The following PLPPR2 variants were observed in gnomAD, a reference collection of about 807,000 sequenced individuals.
The protein encoded by PLPPR2 is phospholipid phosphatase-related protein type 2.
A neutral mutation model predicts 40.3 loss-of-function variants in PLPPR2; 11 were observed. The ratio of observed to expected loss-of-function variants is 0.27; its 90% CI spans 0.17 to 0.45. PLPPR2 has a LOEUF of 0.45. Among genes scored for constraint, PLPPR2 ranks in the 20% least tolerant of loss-of-function variants. The probability of loss-of-function intolerance (pLI) is 1.00; values close to 1 mark genes in which losing one functional copy is unlikely to be tolerated. For missense variants in PLPPR2, 497 were observed against 640.7 expected (o/e 0.78, Z 2.42); for synonymous variants, 260 against 290.8 (o/e 0.89, Z 1.08).
rs139624506 is a variant in PLPPR2, at chr19:11,362,578, C to T, written c.729C>T (p.Ala243=). 21 of 1,613,088 alleles carry T rather than the reference C, an allele frequency of 1.3e-5. No individual in the cohort carries two copies. In the African/African-American group the frequency reaches 2.8e-4, roughly 22 times the overall value. ...TGGTCAAACCCTCGCTCTGCCTGGC[C>T]TTGCTGTGCCCGGCCTTCCTGGTGG... ...SRLVKPSLCL[A]LLCPAFLVGV... is the part of the protein sequence containing the mutation. Residue 243 remains alanine, a synonymous_variant, in exon 7 of 10, where the codon GCC becomes GCT. Coordinates refer to ENST00000688289, the MANE Select transcript of PLPPR2 (RefSeq NM_001393892.1). This position sits in a 1 kb window ranked among gnomAD's most constrained non-coding sequence, Gnocchi z 5.3.
At chr19:11,357,099 G>C (rs1967907956) in intron 2 of PLPPR2, 123 bp downstream of exon 2, 1 of 154,264 alleles carries the variant, frequency 6.5e-6, no homozygotes, top group African/African-American at 2.4e-5. Context: ...CGGCTGGGAA[G>C]AGGGGGAAGG....
At chr19:11,357,810 TCTGTA>T in intron 3 of PLPPR2, 71 bp downstream of exon 3, 2 of 1,269,182 alleles carry the variant, frequency 1.6e-6, no homozygotes, top group Non-Finnish European at 2.2e-6. Flanking sequence ...AGTCTCCTTA[TCTGTA>T]CCCACTTTTC....
chr19:11,357,154 A>G (rs1967909347), intron 2 of PLPPR2, among the ~76,000 whole-genome samples, 178 bp downstream of exon 2: 1 of 152,052 alleles, frequency 6.6e-6, no homozygotes, highest in Admixed American at 6.6e-5. Flanking sequence ...CTATCAGCCC[A>G]ACCAGACACC....
rs1968046233 is a variant in PLPPR2, at chr19:11,361,542, C to T, written c.663+54C>T. On this transcript the variant is annotated intron_variant, in intron 6 of 9. Transcript: ENST00000688289. This position sits in a 1 kb window ranked among gnomAD's most constrained non-coding sequence, Gnocchi z 6.3. ...ATGGGTGTGCAGGCTGGACAGCGAC[C>T]AGCAGCTAGGAAGCCGCCAGGGTTG... The T allele has an allele frequency of 6.5e-7, 1 of 1,543,740 alleles. No individual in the cohort carries two copies. Among genetic ancestry groups the T allele is most frequent in the Non-Finnish European group, 8.7e-7 (1 of 1,149,230 alleles).
intron 3 of PLPPR2, 66 bp downstream of exon 3, chr19:11,357,805 C>T: frequency 3.8e-6 from 5 of 1,329,544 alleles, no homozygotes; most frequent in Non-Finnish European, 4.2e-6. Flanking sequence ...ACCTCAGTCT[C>T]CTTATCTGTA....
Position 11,359,355 on chromosome 19 carries a change from T to G in PLPPR2, c.67-177T>G. On this transcript the variant is annotated intron_variant, in intron 3 of 9. Coordinates refer to ENST00000688289, the MANE Select transcript of PLPPR2 (RefSeq NM_001393892.1). The surrounding 1 kb of genome is among the most constrained non-coding windows in gnomAD (Gnocchi z 5.6). ...CCTAAGCCCTGACCCTTCTCTCACCTCCTTTCCCCATTTCTCTCAGTCTCT... is the reference window on the plus strand; with the variant it reads ...CCTAAGCCCTGACCCTTCTCTCACCGCCTTTCCCCATTTCTCTCAGTCTCT... 1 of 529,244 alleles carries G rather than the reference T, an allele frequency of 1.9e-6. No homozygotes were observed. The allele number at this position is 529,244 out of a possible 1,614,324, so 32.8% of individuals were successfully genotyped here.
rs1968123335 is a variant in PLPPR2, at chr19:11,364,072, T to C, written c.964-89T>C. On this transcript the variant is annotated intron_variant, in intron 8 of 9. Coordinates refer to ENST00000688289, the MANE Select transcript of PLPPR2 (RefSeq NM_001393892.1). This position sits in a 1 kb window ranked among gnomAD's most constrained non-coding sequence, Gnocchi z 5.8. ...ATGAGAACTGTGGTTGTCTTTTCCA[T>C]GGGGCTCTTCACCTGATGAGCTCCT... 3.4e-6 allele frequency: 5 copies of C among 1,487,890 alleles called. No individual in the cohort carries two copies. Among genetic ancestry groups the C allele is most frequent in the Admixed American group, 4.3e-5 (2 of 47,038 alleles). The allele number at this position is 1,487,890 out of a possible 1,614,324, so 92.2% of individuals were successfully genotyped here.
chr19:11,364,419 C>G lies in PLPPR2; in HGVS notation c.1088C>G (p.Ser363Trp). Residue 363 changes from serine to tryptophan, a missense_variant, in exon 10 of 10, where the codon TCG becomes TGG. Coordinates refer to ENST00000688289, the MANE Select transcript of PLPPR2 (RefSeq NM_001393892.1). This position sits in a 1 kb window ranked among gnomAD's most constrained non-coding sequence, Gnocchi z 5.8. ...TCCTCCAGGGCCCCAGCCATGTGTT[C>G]GTCGCCCCGTGTGCCCCGTCCTCGA... ...CVSSRAPAMCSSPRVPRPRLR... is the reference protein window; with the variant it reads ...CVSSRAPAMCWSPRVPRPRLR... The G allele has an allele frequency of 6.6e-7, 1 of 1,520,022 alleles. No homozygotes were observed. Among genetic ancestry groups the G allele is most frequent in the Non-Finnish European group, 8.8e-7 (1 of 1,136,928 alleles). The allele number at this position is 1,520,022 out of a possible 1,614,324, so 94.2% of individuals were successfully genotyped here. A position where few individuals can be genotyped will look rare whatever the true frequency, so the allele number is the denominator to read the frequency against.
intron 3 of PLPPR2, among the ~76,000 whole-genome samples, 173 bp downstream of exon 3, chr19:11,357,912 T>C (rs1470683485): frequency 6.6e-6 from 1 of 151,924 alleles, no homozygotes; most frequent in Non-Finnish European, 1.5e-5. Flanking sequence ...CGGGGTCCAA[T>C]CCCTCTCTGC....
chr19:11,363,205 C>T lies in PLPPR2; in HGVS notation c.841-508C>T, dbSNP rs374082350. The stretch of plus-strand genomic sequence containing the variant: ...CTGAGGCAGAAGAATCGCTTGAACC[C>T]GGGGGACGGAGGTTGCAGTGAACTG... On this transcript the variant is annotated intron_variant, in intron 7 of 9. Coordinates refer to ENST00000688289, the MANE Select transcript of PLPPR2 (RefSeq NM_001393892.1). This position sits in a 1 kb window ranked among gnomAD's most constrained non-coding sequence, Gnocchi z 4.8. Among the ~76,000 whole-genome samples, 7 of 150,984 alleles carry T rather than the reference C, an allele frequency of 4.6e-5. No individual in the cohort carries two copies. The highest frequency in any genetic ancestry group is 2.0e-4 in the East Asian group (1 of 5,102).
At chr19:11,360,777 C>T (rs904323304) in intron 5 of PLPPR2, among the ~76,000 whole-genome samples, 5 of 151,930 alleles carry the variant, frequency 3.3e-5, no homozygotes, top group African/African-American at 4.8e-5. Flanking sequence ...GGGCAGAGGG[C>T]GGGAGACCCA....
Position 11,363,729 on chromosome 19 carries a change from A to G in PLPPR2, c.857A>G (p.His286Arg), listed in dbSNP as rs563714849. The G allele has an allele frequency of 2.5e-6, 4 of 1,613,888 alleles. No individual in the cohort carries two copies. The highest frequency in any genetic ancestry group is 1.3e-5 in the African/African-American group (1 of 74,942). The part of the protein sequence containing the change: ...IATFLVTCVV[H>R]NFQSRPPSGR... ...CTATTCCAGGTCACCTGCGTTGTGC[A>G]TAACTTTCAGAGCCGGCCACCCTCT... The change falls in exon 8 of 10, where the codon CAT (histidine) becomes CGT (arginine). Residue 286 changes from histidine to arginine, a missense_variant. Physicochemically the swap from His to Arg is conservative, Grantham distance 29. Transcript: ENST00000688289. This position sits in a 1 kb window ranked among gnomAD's most constrained non-coding sequence, Gnocchi z 4.8.
chr19:11,356,095 TG>T (rs1378498642), intron 1 of PLPPR2, among the ~76,000 whole-genome samples: 9 of 152,168 alleles, frequency 5.9e-5, no homozygotes, highest in Admixed American at 3.3e-4. Flanking sequence ...ATGGTGTGTA[TG>T]TGTGTGTGGC....
At position 11,363,597 on chromosome 19, in the gene PLPPR2, A is replaced by C. The variant is rs1968110010; in HGVS notation, c.841-116A>C. ...CAGTGCCTGGCACATACTATGCATT[A>C]GCTGTTTTTGAAAACCGGAGCCTCA... On this transcript the variant is annotated intron_variant, in intron 7 of 9. Coordinates refer to ENST00000688289, the MANE Select transcript of PLPPR2 (RefSeq NM_001393892.1). The surrounding 1 kb of genome is among the most constrained non-coding windows in gnomAD (Gnocchi z 4.8). 8.2e-7 allele frequency: 1 copy of C among 1,215,956 alleles called. No individual in the cohort carries two copies. Among genetic ancestry groups the C allele is most frequent in the Admixed American group, 2.8e-5 (1 of 35,936 alleles). The allele number at this position is 1,215,956 out of a possible 1,614,324, so 75.3% of individuals were successfully genotyped here. A position where few individuals can be genotyped will look rare whatever the true frequency, so the allele number is the denominator to read the frequency against.
Position 11,362,396 on chromosome 19 carries a change from CT to C in PLPPR2, c.664-116del, listed in dbSNP as rs1161100382. On this transcript the variant is annotated intron_variant, in intron 6 of 9. Coordinates refer to ENST00000688289, the MANE Select transcript of PLPPR2 (RefSeq NM_001393892.1). This position sits in a 1 kb window ranked among gnomAD's most constrained non-coding sequence, Gnocchi z 5.3. ...GCCCATGACTCCAACCCTGGAGCCC[CT>C]GGCCACTCCCTCCAGCCCCAACGCT... 7.6e-7 allele frequency: 1 copy of C among 1,308,398 alleles called. No homozygotes were observed. The highest frequency in any genetic ancestry group is 2.4e-5 in the East Asian group (1 of 42,300). The allele number at this position is 1,308,398 out of a possible 1,614,324, so 81.0% of individuals were successfully genotyped here.
At position 11,362,307 on chromosome 19, in the gene PLPPR2, C is replaced by T; in HGVS notation, c.664-206C>T. 1 of 590,812 alleles carries T rather than the reference C, an allele frequency of 1.7e-6. No homozygotes were observed. The highest frequency in any genetic ancestry group is 3.0e-6 in the Non-Finnish European group (1 of 333,950). The allele number at this position is 590,812 out of a possible 1,614,324, so 36.6% of individuals were successfully genotyped here. A position where few individuals can be genotyped will look rare whatever the true frequency, so the allele number is the denominator to read the frequency against. On this transcript the variant is annotated intron_variant, in intron 6 of 9. Coordinates refer to ENST00000688289, the MANE Select transcript of PLPPR2 (RefSeq NM_001393892.1). The surrounding 1 kb of genome is among the most constrained non-coding windows in gnomAD (Gnocchi z 5.3). ...AGGTGGTGCCCACGAGACTCCAAGA[C>T]CTCAATCCCTGACCCCCCCCCCTTT...
Position 11,359,125 on chromosome 19 carries a change from C to T in PLPPR2, c.67-407C>T, listed in dbSNP as rs1403851455. ...GCAGTGGTGCCATCATGGCTCACTGCAGCCTTAATCCTCTGGGTGAAGCAA... is the reference window on the plus strand; with the variant it reads ...GCAGTGGTGCCATCATGGCTCACTGTAGCCTTAATCCTCTGGGTGAAGCAA... On this transcript the variant is annotated intron_variant, in intron 3 of 9. Coordinates refer to ENST00000688289, the MANE Select transcript of PLPPR2 (RefSeq NM_001393892.1). The surrounding 1 kb of genome is among the most constrained non-coding windows in gnomAD (Gnocchi z 5.6). Among the ~76,000 whole-genome samples, 1 of 152,024 alleles carries T rather than the reference C, an allele frequency of 6.6e-6. No individual in the cohort carries two copies. The highest frequency in any genetic ancestry group is 1.5e-5 in the Non-Finnish European group (1 of 68,012).
Position 11,364,787 on chromosome 19 carries a change from C to A in PLPPR2, c.*97C>A. ...CGTGAGTGCCAAAGTCCCCTGCCCC[C>A]CAAGCCAGCCAGACCCAGACATTAG... On this transcript the variant is annotated 3_prime_UTR_variant, in exon 10 of 10. Coordinates refer to ENST00000688289, the MANE Select transcript of PLPPR2 (RefSeq NM_001393892.1). This position sits in a 1 kb window ranked among gnomAD's most constrained non-coding sequence, Gnocchi z 5.8. 1 of 1,356,500 alleles carries A rather than the reference C, an allele frequency of 7.4e-7. No homozygotes were observed. Among genetic ancestry groups the A allele is most frequent in the Non-Finnish European group, 1.0e-6 (1 of 993,476 alleles). 84.0% of individuals were successfully genotyped at this position (1,356,500 alleles called of 1,614,324 possible).
At chr19:11,356,626 C>T (rs542357493) in intron 1 of PLPPR2, among the ~76,000 whole-genome samples, 176 bp from the exon 2 acceptor site, 13 of 150,854 alleles carry the variant, frequency 8.6e-5, no homozygotes, top group African/African-American at 2.2e-4. Flanking sequence ...GGCAGGTGCT[C>T]GGTCTTCACT....
Sources: gnomAD v4.1 joint callset for allele counts (sites outside exome capture counted in the v4.1 genomes callset) on GRCh38, gnomAD v4.1.1 for gene constraint, Gnocchi (gnomAD v3.1) non-coding constraint, MANE v1.5 for transcripts, NCBI Gene and HGNC (gene_info 2026-07-23, HGNC 2026-07-21) for gene names.